Variants in ZUP1 observed in about 807,000 individuals in gnomAD.
ZUP1 encodes the protein zinc finger containing ubiquitin peptidase 1.
In ZUP1, 55 loss-of-function variants were observed where a neutral mutation model predicts 68.1. That is an observed-to-expected ratio of 0.81 (90% CI 0.65 to 1.01). ZUP1 has a LOEUF of 1.01. Ranked by LOEUF, ZUP1 falls within the 50% of genes least tolerant of loss-of-function variation. The probability of loss-of-function intolerance (pLI) is 0.00; values close to 1 mark genes in which losing one functional copy is unlikely to be tolerated. For missense variants in ZUP1, 684 were observed against 674.9 expected (o/e 1.01, Z -0.15); for synonymous variants, 223 against 221.5 (o/e 1.01, Z -0.06).
intron 4 of ZUP1, among the ~76,000 whole-genome samples, chr6:116,657,776 T>G (rs1356371853): frequency 6.6e-6 from 1 of 152,120 alleles, no homozygotes; most frequent in East Asian, 1.9e-4. Context: ...CTATCATCAC[T>G]AAAAAAAGAA....
At chr6:116,666,185 TC>T (rs1562413841) in intron 2 of ZUP1, among the ~76,000 whole-genome samples, 1 of 152,116 alleles carries the variant, frequency 6.6e-6, no homozygotes, top group Non-Finnish European at 1.5e-5. Flanking sequence ...CACTTTTTTT[TC>T]CCAAGTATCC....
intron 4 of ZUP1, among the ~76,000 whole-genome samples, chr6:116,658,163 A>G (rs1247734938): frequency 6.6e-6 from 1 of 152,194 alleles, no homozygotes; most frequent in African/African-American, 2.4e-5. Flanking sequence ...ATAACACTAC[A>G]GTCTACAAAT....
chr6:116,646,417 A>C (rs966040996), intron 8 of ZUP1, among the ~76,000 whole-genome samples: 5 of 152,228 alleles, frequency 3.3e-5, no homozygotes, highest in Admixed American at 2.0e-4. Context: ...TAATTTACCA[A>C]GTATCTATGT....
chr6:116,636,337 C>T (rs1348974048), intron 9 of ZUP1, among the ~76,000 whole-genome samples: 1 of 152,058 alleles, frequency 6.6e-6, no homozygotes, highest in East Asian at 1.9e-4. Flanking sequence ...ACATATCAAA[C>T]CAAGCTAAAT....
intron 7 of ZUP1, among the ~76,000 whole-genome samples, chr6:116,649,239 A>G (rs1236161243): frequency 6.6e-6 from 1 of 152,176 alleles, no homozygotes; most frequent in Non-Finnish European, 1.5e-5. Flanking sequence ...AATGTGATAC[A>G]CTGGTTAAAT....
At position 116,656,857 on chromosome 6, in the gene ZUP1, T is replaced by G. The variant is rs1776683654; in HGVS notation, c.793-5A>C. The G allele has an allele frequency of 1.3e-6, 2 of 1,561,754 alleles. No individual in the cohort carries two copies. Among genetic ancestry groups the G allele is most frequent in the Non-Finnish European group, 1.7e-6 (2 of 1,154,678 alleles). The stretch of plus-strand genomic sequence containing the variant: ...ATTATCTAAACCATATTGTCTCTAT[T>G]GAACATAAAAATAAATGACTTAATT... On this transcript the variant is annotated splice_region_variant and splice_polypyrimidine_tract_variant and intron_variant, in intron 4 of 9. Transcript: ENST00000368576.
chr6:116,641,612 G>T (rs1194483313), intron 9 of ZUP1, among the ~76,000 whole-genome samples: 1 of 152,028 alleles, frequency 6.6e-6, no homozygotes, highest in Non-Finnish European at 1.5e-5. Context: ...CGAAATGAAG[G>T]CAGAAATAAA....
At chr6:116,666,528 T>A in intron 2 of ZUP1, 106 bp downstream of exon 2, 1 of 855,958 alleles carries the variant, frequency 1.2e-6, no homozygotes, top group Non-Finnish European at 1.7e-6. Context: ...ATAAAATGGA[T>A]TTCAAAACAC....
At chr6:116,647,254 G>C (rs772644640) in intron 8 of ZUP1, among the ~76,000 whole-genome samples, 3 of 152,102 alleles carry the variant, frequency 2.0e-5, no homozygotes, top group Admixed American at 1.3e-4. Context: ...AGCTACTCAG[G>C]AGGCTGAGGC....
chr6:116,651,464 T>C (rs1776488733), intron 7 of ZUP1, 108 bp downstream of exon 7: 1 of 902,078 alleles, frequency 1.1e-6, no homozygotes, highest in African/African-American at 1.7e-5. Flanking sequence ...CTTAATTTAG[T>C]GCTACTTAAT....
intron 3 of ZUP1, among the ~76,000 whole-genome samples, chr6:116,659,801 T>C (rs1340461180): frequency 6.6e-6 from 1 of 152,206 alleles, no homozygotes; most frequent in Non-Finnish European, 1.5e-5. Flanking sequence ...TCTTGTCTCC[T>C]TAACCCCATG....
chr6:116,648,829 G>T (rs1321138209), intron 7 of ZUP1, among the ~76,000 whole-genome samples: 1 of 151,762 alleles, frequency 6.6e-6, no homozygotes, highest in Admixed American at 6.6e-5. Flanking sequence ...AATTAGCCAG[G>T]CATGGTGGCA....
Position 116,640,637 on chromosome 6 carries a change from CT to C in ZUP1, c.1690-4759del, listed in dbSNP as rs547264635. On this transcript the variant is annotated intron_variant, in intron 9 of 9. Transcript: ENST00000368576. Reference sequence around the variant, plus strand: ...AAAATACTTTACAGACAAGCAAATGCTGAGAGATTTTGTCACCACCAGGCCT... The same window carrying C: ...AAAATACTTTACAGACAAGCAAATGCGAGAGATTTTGTCACCACCAGGCCT... Among the ~76,000 whole-genome samples the C allele has an allele frequency of 3.9e-3, 593 of 152,056 alleles. 3 individuals are homozygous for C. Among genetic ancestry groups the C allele is most frequent in the African/African-American group, 0.014 (575 of 41,458 alleles).
intron 9 of ZUP1, among the ~76,000 whole-genome samples, chr6:116,637,207 T>A (rs1775933037): frequency 6.6e-6 from 1 of 152,186 alleles, no homozygotes; most frequent in South Asian, 2.1e-4. Flanking sequence ...TAAATTGGAA[T>A]CCTGACTCTC....
At chr6:116,657,168 C>T (rs1381102903) in intron 4 of ZUP1, among the ~76,000 whole-genome samples, 1 of 152,160 alleles carries the variant, frequency 6.6e-6, no homozygotes, top group Non-Finnish European at 1.5e-5. Flanking sequence ...GTTCTGAATG[C>T]ATTGCTGATT....
chr6:116,664,304 A>C (rs1776932340), intron 2 of ZUP1, among the ~76,000 whole-genome samples: 1 of 146,256 alleles, frequency 6.8e-6, no homozygotes, highest in Non-Finnish European at 1.5e-5. Flanking sequence ...GGTGGTGGGC[A>C]GTGGTAATCC....
chr6:116,642,681 G>A (rs1462976620), intron 9 of ZUP1, among the ~76,000 whole-genome samples: 1 of 152,102 alleles, frequency 6.6e-6, no homozygotes, highest in African/African-American at 2.4e-5. Flanking sequence ...TTCATGGGAC[G>A]TATCTCAAAA....
intron 9 of ZUP1, among the ~76,000 whole-genome samples, chr6:116,640,446 G>A (rs963809467): frequency 6.6e-6 from 1 of 151,994 alleles, no homozygotes; most frequent in East Asian, 1.9e-4. Flanking sequence ...AAGAAAGGTC[G>A]GGTTACCCAC....
intron 3 of ZUP1, 80 bp from the exon 4 acceptor site, chr6:116,659,004 ATAGAG>A (rs1776754442): frequency 3.3e-6 from 4 of 1,230,078 alleles, no homozygotes; most frequent in African/African-American, 1.6e-5. Flanking sequence ...TGTTTTTAAA[ATAGAG>A]TAAATGCTGT....
Sources: allele counts gnomAD v4.1 joint callset (sites outside exome capture counted in the v4.1 genomes callset), GRCh38; gene constraint gnomAD v4.1.1; transcripts MANE v1.5; gene names NCBI Gene and HGNC (gene_info 2026-07-23, HGNC 2026-07-21).